The following CEP126 variants were observed in gnomAD, a reference collection of about 807,000 sequenced individuals.
The protein encoded by CEP126 is centrosomal protein of 126 kDa.
In CEP126, 74 loss-of-function variants were observed where a neutral mutation model predicts 107.8. The ratio of observed to expected loss-of-function variants is 0.69; its 90% CI spans 0.57 to 0.83. The LOEUF is 0.83. CEP126 is among the 40% of genes least tolerant of loss of function. CEP126 has a pLI of 0.00. For synonymous variants in CEP126, 449 were observed against 446.0 expected (o/e 1.01, Z -0.08); for missense variants, 1,237 against 1,281.9 (o/e 0.96, Z 0.53).
chr11:101,917,569 T>C (rs1040417489), intron 1 of CEP126, among the ~76,000 whole-genome samples: 1 of 151,850 alleles, frequency 6.6e-6, no homozygotes, highest in African/African-American at 2.4e-5. Flanking sequence ...TCAATCTCTT[T>C]TTCTCTTTTG....
chr11:101,980,588 A>C (rs1941243876), intron 7 of CEP126, among the ~76,000 whole-genome samples: 1 of 152,192 alleles, frequency 6.6e-6, no homozygotes, highest in African/African-American at 2.4e-5. Context: ...TAGCCTAAGA[A>C]TAGGTCAGTG....
chr11:101,955,090 GA>G (rs1014186355), intron 4 of CEP126, among the ~76,000 whole-genome samples: 6 of 151,834 alleles, frequency 4.0e-5, no homozygotes, highest in East Asian at 3.9e-4. Context: ...ATGTAAAAGA[GA>G]AAAAAAATAT....
At chr11:101,983,537 A>G (rs923773131) in intron 8 of CEP126, among the ~76,000 whole-genome samples, 1 of 152,228 alleles carries the variant, frequency 6.6e-6, no homozygotes, top group African/African-American at 2.4e-5. Context: ...ATGAATATTC[A>G]ACAGGCTGGT....
At chr11:101,955,168 A>G (rs1245125364) in intron 4 of CEP126, among the ~76,000 whole-genome samples, 3 of 152,200 alleles carry the variant, frequency 2.0e-5, no homozygotes, top group Non-Finnish European at 2.9e-5. Context: ...TCTCATGAAC[A>G]TAGAAGCTGC....
At chr11:101,983,857 C>A (rs1272078809) in intron 8 of CEP126, among the ~76,000 whole-genome samples, 1 of 152,194 alleles carries the variant, frequency 6.6e-6, no homozygotes, top group Admixed American at 6.5e-5. Context: ...CTTGTGTCCT[C>A]ACTGATTTCA....
At position 101,962,087 on chromosome 11, in the gene CEP126, CT is replaced by C. The variant is rs1940982546; in HGVS notation, c.1053del (p.Pro352LeufsTer2). On this transcript the variant is annotated frameshift_variant, in exon 6 of 11. Coordinates refer to ENST00000263468, the MANE Select transcript of CEP126 (RefSeq NM_020802.4). LOFTEE classifies it high-confidence loss of function. ...EYFNSKEQNP[S>X]PLNGTVERAT... ...TTTAATAGTAAAGAACAAAATCCAT[CT>C]CCTTTGAATGGAACAGTGGAAAGAG... 1 of 1,612,122 alleles carries C rather than the reference CT, an allele frequency of 6.2e-7. No individual in the cohort carries two copies. Among genetic ancestry groups the C allele is most frequent in the South Asian group, 1.1e-5 (1 of 90,714 alleles).
intron 2 of CEP126, among the ~76,000 whole-genome samples, chr11:101,924,068 A>G (rs1040843221): frequency 6.6e-6 from 1 of 152,198 alleles, no homozygotes; most frequent in African/African-American, 2.4e-5. Context: ...TAAATTTTCT[A>G]TTTGTATTCT....
At chr11:101,955,676 T>C in intron 4 of CEP126, 1 of 357,944 alleles carries the variant, frequency 2.8e-6, no homozygotes, top group Middle Eastern at 4.3e-4. Flanking sequence ...ATGGACCCTA[T>C]GGACAAGAAA....
intron 4 of CEP126, among the ~76,000 whole-genome samples, chr11:101,954,604 CATG>C (rs889760322): frequency 6.6e-6 from 1 of 151,864 alleles, no homozygotes; most frequent in Non-Finnish European, 1.5e-5. Flanking sequence ...ACTTTGACTT[CATG>C]ATATCTATAT....
chr11:101,975,175 G>A (rs1941178923), intron 6 of CEP126, among the ~76,000 whole-genome samples: 1 of 152,118 alleles, frequency 6.6e-6, no homozygotes, highest in Non-Finnish European at 1.5e-5. Context: ...TTAGCATATT[G>A]ATACAGGTGG....
rs1385187344 is a variant in CEP126 at position 101,998,481 on chromosome 11, GGGAGGATTACTTGAGCCCA to G, written c.*851_*869del. ...TCCCAGCTACTTGGGGTGCTGAGGC[GGGAGGATTACTTGAGCCCA>G]GGAGGATTACTTCAACCTGGGAGGT... is the stretch of plus-strand genomic sequence containing the variant. On this transcript the variant is annotated 3_prime_UTR_variant, in exon 11 of 11. Transcript: ENST00000263468. 6.1e-5 allele frequency: 9 copies of G among 147,926 alleles called. No homozygotes were observed. The highest frequency in any genetic ancestry group is 1.0e-4 in the Non-Finnish European group (7 of 67,484). 9.2% of individuals were successfully genotyped at this position (147,926 alleles called of 1,614,324 possible). A position where few individuals can be genotyped will look rare whatever the true frequency, so the allele number is the denominator to read the frequency against.
chr11:101,935,691 A>G (rs1300595374), intron 2 of CEP126, among the ~76,000 whole-genome samples: 1 of 152,094 alleles, frequency 6.6e-6, no homozygotes, highest in Non-Finnish European at 1.5e-5. Context: ...TTATACTAAT[A>G]CTACATTGAC....
At chr11:101,990,431 A>T (rs114021265) in intron 9 of CEP126, among the ~76,000 whole-genome samples, 3,242 of 152,278 alleles carry the variant, frequency 0.021, 36 homozygotes, top group African/African-American at 0.029. Context: ...CTAGTGAAAC[A>T]GTAAAGGAAA....
intron 2 of CEP126, among the ~76,000 whole-genome samples, chr11:101,925,055 C>G (rs1404744761): frequency 6.6e-6 from 1 of 152,118 alleles, no homozygotes; most frequent in Non-Finnish European, 1.5e-5. Context: ...CCCTCCAAGT[C>G]CCCTTTGTTT....
chr11:101,971,970 G>A (rs1006712021), intron 6 of CEP126, among the ~76,000 whole-genome samples: 7 of 151,996 alleles, frequency 4.6e-5, no homozygotes, highest in Non-Finnish European at 8.8e-5. Flanking sequence ...TTAGCTGGGC[G>A]TGGTGGTGGG....
In CEP126 at chr11:101,973,663, A is replaced by C. The variant is rs147465789; in HGVS notation, c.2846-4684A>C. On this transcript the variant is annotated intron_variant, in intron 6 of 10. Transcript: ENST00000263468. Reference sequence around the variant, plus strand: ...TCCTGTACATGTATCCTAAAACTTAAAATTTTTTTTAAAAAGCAATAAATT... The same window carrying C: ...TCCTGTACATGTATCCTAAAACTTACAATTTTTTTTAAAAAGCAATAAATT... Among the ~76,000 whole-genome samples the C allele has an allele frequency of 4.4e-3, 669 of 152,280 alleles. 5 individuals are homozygous for C. The highest frequency in any genetic ancestry group is 0.015 in the African/African-American group (643 of 41,560).
rs759071516 is a variant in CEP126 at position 101,958,263 on chromosome 11, A to G, written c.602A>G (p.Asn201Ser). ...AAAATCAATTGTGAGAAAGAAATGA[A>G]TGAAAACATGAGGGCAACCTTGGCT... ...LSKINCEKEM[N>S]ENMRATLATS... The change falls in exon 5 of 11, where the codon AAT (asparagine) becomes AGT (serine). Residue 201 changes from asparagine (N) to serine (S), a missense_variant. Around this residue, in one of 3 missense-constraint regions of CEP126, gnomAD observed 1,134 missense variants for 1,150.5 expected, o/e 0.99. Transcript: ENST00000263468. 2 of 1,614,058 alleles carry G rather than the reference A, an allele frequency of 1.2e-6. No individual in the cohort carries two copies. Among genetic ancestry groups the G allele is most frequent in the African/African-American group, 1.3e-5 (1 of 75,062 alleles).
Position 101,915,168 on chromosome 11 carries a change from G to C in CEP126, c.-117G>C. ...TGTCGAGGCCAACCCTTCCGCGCCC[G>C]TGACGCGGGGCCTGAGAGACGGAGT... is the stretch of plus-strand genomic sequence containing the variant. On this transcript the variant is annotated 5_prime_UTR_variant, in exon 1 of 11. Transcript: ENST00000263468. 1 of 1,479,872 alleles carries C rather than the reference G, an allele frequency of 6.8e-7. No homozygotes were observed. Among genetic ancestry groups the C allele is most frequent in the Non-Finnish European group, 9.1e-7 (1 of 1,094,884 alleles). The allele number at this position is 1,479,872 out of a possible 1,614,324, so 91.7% of individuals were successfully genotyped here.
At chr11:101,981,377 T>C (rs1941252392) in intron 7 of CEP126, among the ~76,000 whole-genome samples, 1 of 152,174 alleles carries the variant, frequency 6.6e-6, no homozygotes, top group Admixed American at 6.6e-5. Flanking sequence ...CACTGCAACC[T>C]CCATCTCCTG....
Sources: allele counts gnomAD v4.1 joint callset (sites outside exome capture counted in the v4.1 genomes callset), GRCh38; gene constraint gnomAD v4.1.1; regional missense constraint gnomAD v4.1.1; transcripts MANE v1.5; gene names NCBI Gene and HGNC (gene_info 2026-07-23, HGNC 2026-07-21).